The following FAM177B variants were observed in gnomAD, a reference collection of about 807,000 sequenced individuals.
FAM177B encodes family with sequence similarity 177 member B, also known as protein FAM177B.
Under a neutral mutation model 16.1 loss-of-function variants are expected in FAM177B, and 16 were observed. The ratio of observed to expected loss-of-function variants is 0.99; its 90% confidence interval spans 0.67 to 1.51. The LOEUF is 1.51. Among genes scored for constraint, FAM177B ranks in the 40% most tolerant of loss-of-function variants. The pLI is 0.00. For missense variants in FAM177B, 178 were observed against 183.7 expected (o/e 0.97, Z 0.18); for synonymous variants, 56 against 59.9 (o/e 0.93, Z 0.30).
At chr1:222,743,756 T>C (rs1658656952) in intron 2 of FAM177B, among the ~76,000 whole-genome samples, 1 of 152,176 alleles carries the variant, frequency 6.6e-6, no homozygotes, top group African/African-American at 2.4e-5. Flanking sequence ...CCATATTTTA[T>C]AGATAAGATA....
At chr1:222,745,898 G>T (rs923945407) in intron 2 of FAM177B, among the ~76,000 whole-genome samples, 1 of 152,236 alleles carries the variant, frequency 6.6e-6, no homozygotes, top group East Asian at 1.9e-4. Flanking sequence ...TGGGCAACAA[G>T]AGCAAAAAAG....
At chr1:222,738,392 G>C (rs1459044541) in intron 2 of FAM177B, among the ~76,000 whole-genome samples, 1 of 151,890 alleles carries the variant, frequency 6.6e-6, no homozygotes, top group African/African-American at 2.4e-5. Context: ...TGTATTTGGG[G>C]TTTTTAAGAA....
intron 5 of FAM177B, 55 bp downstream of exon 5, chr1:222,749,617 C>A: frequency 9.5e-7 from 1 of 1,052,746 alleles, no homozygotes; most frequent in Non-Finnish European, 1.4e-6. Context: ...TTGGTTGCTC[C>A]AAATTTAGGC....
chr1:222,743,631 G>T (rs1325097675), intron 2 of FAM177B, among the ~76,000 whole-genome samples: 2 of 152,144 alleles, frequency 1.3e-5, no homozygotes, highest in African/African-American at 2.4e-5. Flanking sequence ...CCACACACCA[G>T]CATGTGGTAC....
At chr1:222,741,683 C>A (rs906107009) in intron 2 of FAM177B, among the ~76,000 whole-genome samples, 1 of 151,958 alleles carries the variant, frequency 6.6e-6, no homozygotes, top group African/African-American at 2.4e-5. Context: ...CAGGCATGCA[C>A]CACCTTGCTC....
At chr1:222,745,494 G>A (rs1426539562) in intron 2 of FAM177B, among the ~76,000 whole-genome samples, 1 of 152,214 alleles carries the variant, frequency 6.6e-6, no homozygotes, top group African/African-American at 2.4e-5. Context: ...GCACGCACCT[G>A]TGGTGCCAGC....
intron 4 of FAM177B, 75 bp from the exon 5 acceptor site, chr1:222,749,390 A>C (rs1399423241): frequency 5.0e-6 from 4 of 800,840 alleles, no homozygotes; most frequent in Admixed American, 4.3e-5. Context: ...GAATAGTTTA[A>C]ACTCTGGGCA....
intron 5 of FAM177B, 33 bp downstream of exon 5, chr1:222,749,595 G>A: frequency 7.8e-7 from 1 of 1,287,588 alleles, no homozygotes; most frequent in Non-Finnish European, 1.1e-6. Context: ...CAAGGGGCCT[G>A]AGATGGGAAT....
At chr1:222,744,585 T>G (rs989906872) in intron 2 of FAM177B, among the ~76,000 whole-genome samples, 1 of 152,208 alleles carries the variant, frequency 6.6e-6, no homozygotes, top group Non-Finnish European at 1.5e-5. Flanking sequence ...ATAGCCAGCT[T>G]TTATTAAACA....
intron 2 of FAM177B, among the ~76,000 whole-genome samples, chr1:222,744,329 G>A (rs572801047): frequency 7.9e-5 from 12 of 151,952 alleles, no homozygotes; most frequent in Admixed American, 6.5e-4. Context: ...AAAGTTAGCC[G>A]GGGGTGGTGG....
rs1378833539 is a variant in FAM177B, at chr1:222,750,153, A to G, written c.*95A>G. On this transcript the variant is annotated 3_prime_UTR_variant, in exon 6 of 6. Coordinates refer to ENST00000445590, the MANE Select transcript of FAM177B (RefSeq NM_001394345.1). ...TGGATCTGTTCCTTGGCCATTGATT[A>G]CCATGGCAACAACACCAGAGGTAGC... The G allele has an allele frequency of 4.6e-6, 7 of 1,534,102 alleles. No individual in the cohort carries two copies. The highest frequency in any genetic ancestry group is 6.1e-6 in the Non-Finnish European group (7 of 1,146,170).
Position 222,743,716 on chromosome 1 carries a change from C to T in FAM177B, c.-15-2815C>T, listed in dbSNP as rs552539633. On this transcript the variant is annotated intron_variant, in intron 2 of 5. Coordinates refer to ENST00000445590, the MANE Select transcript of FAM177B (RefSeq NM_001394345.1). ...TAGGAGATAGCAAATTACTTTGCTA[C>T]TTTTGCAAGCTGGGGGTAGATTTTC... is the stretch of plus-strand genomic sequence containing the variant. Among the ~76,000 whole-genome samples, 14 of 152,226 alleles carry T rather than the reference C, an allele frequency of 9.2e-5. 1 individual carries two copies. In the South Asian group the frequency reaches 2.5e-3, roughly 27 times the overall value.
chr1:222,749,779 G>C, intron 5 of FAM177B, 142 bp from the exon 6 acceptor site: 1 of 932,644 alleles, frequency 1.1e-6, no homozygotes. Context: ...GTCATGAGCT[G>C]TGTTGTAGAA....
Position 222,750,210 on chromosome 1 carries a change from T to A in FAM177B, c.*152T>A, listed in dbSNP as rs1479803528. 6.9e-7 allele frequency: 1 copy of A among 1,442,972 alleles called. No individual in the cohort carries two copies. Among genetic ancestry groups the A allele is most frequent in the African/African-American group, 1.4e-5 (1 of 70,330 alleles). The allele number at this position is 1,442,972 out of a possible 1,614,324, so 89.4% of individuals were successfully genotyped here. Reference sequence around the variant, plus strand: ...GAGCCAGATCTGATCCTAATCTCTGTGTGACTTAGTCTCAAGCATCCAGGA... The same window carrying A: ...GAGCCAGATCTGATCCTAATCTCTGAGTGACTTAGTCTCAAGCATCCAGGA... On this transcript the variant is annotated 3_prime_UTR_variant, in exon 6 of 6. Transcript: ENST00000445590.
chr1:222,749,473 T>C lies in FAM177B; in HGVS notation c.250T>C (p.Phe84Leu). Reference protein sequence around the residue: ...IASTSFSTCEFLGGRFAVFFG... With the variant: ...IASTSFSTCELLGGRFAVFFG... Reference sequence around the variant, plus strand: ...CTCGTTCTTTCTTTTAGCATGTGAATTCCTTGGTGGAAGATTTGCTGTCTT... The same window carrying C: ...CTCGTTCTTTCTTTTAGCATGTGAACTCCTTGGTGGAAGATTTGCTGTCTT... The change falls in exon 5 of 6, where the codon TTC becomes CTC. Residue 84 changes from phenylalanine (F) to leucine (L), a missense_variant. Physicochemically the swap from Phe to Leu is conservative, Grantham distance 22. Transcript: ENST00000445590. 6.2e-7 allele frequency: 1 copy of C among 1,601,836 alleles called. No individual in the cohort carries two copies. The highest frequency in any genetic ancestry group is 8.5e-7 in the Non-Finnish European group (1 of 1,171,844).
In FAM177B at chr1:222,749,912, C is replaced by G; in HGVS notation, c.340-9C>G. On this transcript the variant is annotated splice_polypyrimidine_tract_variant and intron_variant, in intron 5 of 5. Transcript: ENST00000445590. ...CAGTTAAACATTTCCTTATTTCTCT[C>G]CAAAACAGAAAAGTGACAACAAAAG... 1 of 1,613,870 alleles carries G rather than the reference C, an allele frequency of 6.2e-7. No individual in the cohort carries two copies. Among genetic ancestry groups the G allele is most frequent in the Non-Finnish European group, 8.5e-7 (1 of 1,179,826 alleles).
intron 2 of FAM177B, among the ~76,000 whole-genome samples, chr1:222,741,976 T>C (rs951947432): frequency 2.0e-5 from 3 of 146,552 alleles, no homozygotes; most frequent in African/African-American, 5.1e-5. Context: ...CTTTCTTTCT[T>C]TTCTTCTTTC....
In FAM177B at chr1:222,747,089, C is replaced by T. The variant is rs778514316; in HGVS notation, c.241+8C>T. 2 of 1,585,622 alleles carry T rather than the reference C, an allele frequency of 1.3e-6. No individual in the cohort carries two copies. Among genetic ancestry groups the T allele is most frequent in the Non-Finnish European group, 1.7e-6 (2 of 1,154,128 alleles). ...CAAGCACCTCATTTTCTAGTAAGTACTGCTAAGGTTATTTTTTTCTATCCT... is the reference window on the plus strand; with the variant it reads ...CAAGCACCTCATTTTCTAGTAAGTATTGCTAAGGTTATTTTTTTCTATCCT... On this transcript the variant is annotated splice_region_variant and intron_variant, in intron 4 of 5. Coordinates refer to ENST00000445590, the MANE Select transcript of FAM177B (RefSeq NM_001394345.1).
intron 3 of FAM177B, 49 bp downstream of exon 3, chr1:222,746,768 A>G (rs1658818901): frequency 7.0e-7 from 1 of 1,432,310 alleles, no homozygotes; most frequent in African/African-American, 1.4e-5. Flanking sequence ...GAGGCGGTGA[A>G]TGAACAAGAG....
Sources: gnomAD v4.1 joint callset for allele counts (sites outside exome capture counted in the v4.1 genomes callset) on GRCh38, gnomAD v4.1.1 for gene constraint, MANE v1.5 for transcripts, NCBI Gene and HGNC (gene_info 2026-07-23, HGNC 2026-07-21) for gene names.